Variants in GARIN3 observed in about 807,000 individuals in gnomAD.
The protein encoded by GARIN3 is Golgi-associated RAB2 interactor protein 3.
At chr5:157,163,415 T>C in the GARIN3 span, 1 of 1,614,226 alleles carries the variant, frequency 6.2e-7, no homozygotes, top group Non-Finnish European at 8.5e-7. Flanking sequence ...GCCCCTGCTA[T>C]TGCCACATCT....
the GARIN3 span, among the ~76,000 whole-genome samples, chr5:157,164,469 C>T: frequency 6.6e-6 from 1 of 152,212 alleles, no homozygotes; most frequent in Admixed American, 6.5e-5. Context: ...AAGTCTTGCT[C>T]TCATTTCTTG....
the GARIN3 span, chr5:157,163,351 C>A: frequency 1.2e-6 from 2 of 1,614,040 alleles, no homozygotes; most frequent in Non-Finnish European, 1.7e-6. Flanking sequence ...TTGACCTGGG[C>A]CTGCAGATTT....
the GARIN3 span, chr5:157,161,906 C>G: frequency 6.5e-6 from 1 of 153,112 alleles, no homozygotes; most frequent in African/African-American, 2.4e-5. Flanking sequence ...GACCTCAGAA[C>G]ATGATTTGCC....
the GARIN3 span, chr5:157,165,600 G>A: frequency 4.3e-6 from 7 of 1,613,926 alleles, no homozygotes; most frequent in Non-Finnish European, 5.1e-6. Context: ...TGCGTCCCCA[G>A]ATAGAAGTGT....
chr5:157,163,200 A>G, the GARIN3 span: 1 of 1,613,996 alleles, frequency 6.2e-7, no homozygotes, highest in African/African-American at 1.3e-5. Context: ...AGGTGGAAGT[A>G]CCTTCCAAGG....
chr5:157,162,218 G>C, the GARIN3 span: 1 of 608,532 alleles, frequency 1.6e-6, no homozygotes, highest in South Asian at 2.3e-5. Context: ...GCGGGTGGTG[G>C]AGCTCTACTT....
the GARIN3 span, chr5:157,162,301 A>C: frequency 1.6e-6 from 2 of 1,240,390 alleles, no homozygotes; most frequent in Non-Finnish European, 2.2e-6. Context: ...CCACCAGGCT[A>C]TGGGCAGAAA....
At chr5:157,164,175 A>G in the GARIN3 span, among the ~76,000 whole-genome samples, 149 of 137,420 alleles carry the variant, frequency 1.1e-3, 1 homozygote, top group Non-Finnish European at 2.1e-3. Flanking sequence ...TTTGAGACAG[A>G]GTCTTGCTCT....
chr5:157,164,699 A>G, the GARIN3 span, among the ~76,000 whole-genome samples: 7 of 152,134 alleles, frequency 4.6e-5, no homozygotes, highest in African/African-American at 1.7e-4. Flanking sequence ...GCACGTGCAT[A>G]CACACACACA....
At chr5:157,163,183 G>A in the GARIN3 span, 29 of 1,613,838 alleles carry the variant, frequency 1.8e-5, no homozygotes, top group Middle Eastern at 1.6e-4. Context: ...GGCGGCCCCC[G>A]CCATCGAGGT....
chr5:157,162,095 G>C, the GARIN3 span: 1 of 301,356 alleles, frequency 3.3e-6, no homozygotes, highest in Non-Finnish European at 6.2e-6. Flanking sequence ...ATGGGCGAGG[G>C]GACATGGTGG....
the GARIN3 span, chr5:157,165,858 C>G: frequency 6.2e-7 from 1 of 1,613,970 alleles, no homozygotes; most frequent in African/African-American, 1.3e-5. Context: ...CTTGGCAAAC[C>G]GGCCCCATCT....
the GARIN3 span, chr5:157,162,715 T>C: frequency 6.2e-7 from 1 of 1,614,270 alleles, no homozygotes; most frequent in South Asian, 1.1e-5. Flanking sequence ...AGATTGGTTC[T>C]TCCCCAGTTC....
chr5:157,166,163 G>A, the GARIN3 span: 4 of 1,607,856 alleles, frequency 2.5e-6, no homozygotes, highest in Non-Finnish European at 2.6e-6. Flanking sequence ...AAGATTCATT[G>A]CTCATGGTTC....
At chr5:157,163,684 T>A in the GARIN3 span, 149 of 1,591,208 alleles carry the variant, frequency 9.4e-5, no homozygotes, top group Middle Eastern at 1.8e-4. Flanking sequence ...GAGAAACAGA[T>A]GAGATTGAGA....
chr5:157,165,851 G>A, the GARIN3 span: 1 of 1,614,010 alleles, frequency 6.2e-7, no homozygotes, highest in South Asian at 1.1e-5. Context: ...CTCTCCCCTT[G>A]GCAAACCGGC....
At chr5:157,164,432 A>G in the GARIN3 span, among the ~76,000 whole-genome samples, 2 of 152,170 alleles carry the variant, frequency 1.3e-5, no homozygotes, top group African/African-American at 4.8e-5. Context: ...GTTAACAAGC[A>G]TGAGCCACCG....
the GARIN3 span, chr5:157,163,640 C>A: frequency 6.2e-7 from 1 of 1,613,664 alleles, no homozygotes; most frequent in South Asian, 1.1e-5. Context: ...TGATCCCCTT[C>A]TCTGTGGAGC....
chr5:157,166,148 T>A, the GARIN3 span: 6 of 1,611,162 alleles, frequency 3.7e-6, no homozygotes. Flanking sequence ...TGTAATAAGG[T>A]AAACAAGATT....
Sources: allele counts gnomAD v4.1 joint callset (sites outside exome capture counted in the v4.1 genomes callset), GRCh38; gene constraint gnomAD v4.1.1; transcripts MANE v1.5; gene names NCBI Gene and HGNC (gene_info 2026-07-23, HGNC 2026-07-21).